The following ATAD2B variants were observed in gnomAD, a reference collection of about 807,000 sequenced individuals.
ATAD2B encodes ATPase family AAA domain-containing protein 2B.
ATAD2B carries 40 observed loss-of-function variants against 167.6 expected under a neutral mutation model. The ratio of observed to expected loss-of-function variants is 0.24; its 90% CI spans 0.19 to 0.31. The LOEUF is 0.31. Among genes scored for constraint, ATAD2B ranks in the 10% least tolerant of loss-of-function variants. The pLI is 1.00. For synonymous variants in ATAD2B, 579 were observed against 596.5 expected, an observed-to-expected ratio of 0.97 and a Z score of 0.43; for missense variants, 1,242 against 1,757.2, an observed-to-expected ratio of 0.71 and a Z score of 5.24.
chr2:23,792,932 C>G (rs1321268275), intron 19 of ATAD2B, among the ~76,000 whole-genome samples: 2 of 126,470 alleles, frequency 1.6e-5, no homozygotes, highest in Non-Finnish European at 3.1e-5. Flanking sequence ...CACTGCACTC[C>G]AGCCTGGGCA....
At chr2:23,709,586 A>G in the ATAD2B span, among the ~76,000 whole-genome samples, 1 of 151,914 alleles carries the variant, frequency 6.6e-6, no homozygotes, top group East Asian at 1.9e-4. Flanking sequence ...ATCCATGTGA[A>G]GAGCCTCACA....
chr2:23,681,407 G>A, the ATAD2B span, among the ~76,000 whole-genome samples: 12 of 152,230 alleles, frequency 7.9e-5, no homozygotes, highest in Non-Finnish European at 1.6e-4. This position sits in a 1 kb window ranked among gnomAD's most constrained non-coding sequence, Gnocchi z 4.2. Flanking sequence ...TGGAGCAGAA[G>A]GTGTCACGGC....
At chr2:23,742,447 C>T in the ATAD2B span, among the ~76,000 whole-genome samples, 8 of 150,944 alleles carry the variant, frequency 5.3e-5, no homozygotes, top group Admixed American at 1.3e-4. Context: ...AGCAAACCAT[C>T]GCAAGGACAA....
the ATAD2B span, among the ~76,000 whole-genome samples, chr2:23,728,694 C>T: frequency 6.6e-6 from 1 of 152,054 alleles, no homozygotes; most frequent in Non-Finnish European, 1.5e-5. Context: ...GAACTCTAGT[C>T]AGTAGGGGGT....
At chr2:23,892,385 C>CT (rs1382602704) in intron 2 of ATAD2B, among the ~76,000 whole-genome samples, 4 of 151,946 alleles carry the variant, frequency 2.6e-5, no homozygotes, top group African/African-American at 4.8e-5. Context: ...AGGATGGTCT[C>CT]TATCTCCTGA....
intron 12 of ATAD2B, among the ~76,000 whole-genome samples, chr2:23,862,429 G>A (rs1177235933): frequency 2.3e-5 from 2 of 86,866 alleles, no homozygotes; most frequent in Non-Finnish European, 4.2e-5. Flanking sequence ...TTTTTTTTGA[G>A]AGACAGAGTC....
chr2:23,899,410 TA>T (rs1700532083), intron 1 of ATAD2B, among the ~76,000 whole-genome samples: 1 of 152,012 alleles, frequency 6.6e-6, no homozygotes, highest in African/African-American at 2.4e-5. Context: ...GATGGTGTAT[TA>T]GTTTTATAAT....
the ATAD2B span, among the ~76,000 whole-genome samples, chr2:23,686,721 A>G: frequency 6.6e-6 from 1 of 152,140 alleles, no homozygotes; most frequent in Non-Finnish European, 1.5e-5. Context: ...CCAGGTCCCC[A>G]GGTTGGGCCA....
rs765383233 is a variant in ATAD2B, at chr2:23,757,534, G to C, written c.3962C>G (p.Ser1321Trp). 1 of 1,593,470 alleles carries C rather than the reference G, an allele frequency of 6.3e-7. No individual in the cohort carries two copies. The highest frequency in any genetic ancestry group is 1.2e-5 in the South Asian group (1 of 86,886). The part of the protein sequence containing the change: ...EDQSKEKPET[S>W]TENHGDDLEK... ...AAGATCATCTCCATGATTTTCAGTC[G>C]AAGTTTCTGGTTTTTCTTTTGACTG... Residue 1321 changes from serine (S) to tryptophan (W), a missense_variant, in exon 25 of 28, where the codon TCG becomes TGG. Physicochemically the swap from Ser to Trp is radical, Grantham distance 177. Around this residue, in one of 9 missense-constraint regions of ATAD2B, gnomAD observed 282 missense variants for 346.8 expected, o/e 0.81. Transcript: ENST00000238789.
chr2:23,752,466 T>C (rs1308823823), intron 27 of ATAD2B, among the ~76,000 whole-genome samples: 4 of 149,796 alleles, frequency 2.7e-5, no homozygotes, highest in Non-Finnish European at 4.4e-5. Context: ...AATACATAAA[T>C]ATAAGTAAAT....
At chr2:23,727,071 T>C in the ATAD2B span, among the ~76,000 whole-genome samples, 1 of 152,152 alleles carries the variant, frequency 6.6e-6, no homozygotes, top group Admixed American at 6.5e-5. Context: ...CAAGGTTTCT[T>C]TCTAAAAGCA....
At chr2:23,732,595 G>A in the ATAD2B span, among the ~76,000 whole-genome samples, 2 of 152,066 alleles carry the variant, frequency 1.3e-5, no homozygotes, top group Non-Finnish European at 2.9e-5. Flanking sequence ...TAATAAAAAG[G>A]TGTTAATTCA....
chr2:23,770,064 C>T (rs959721314), intron 22 of ATAD2B, among the ~76,000 whole-genome samples: 5 of 151,256 alleles, frequency 3.3e-5, no homozygotes, highest in African/African-American at 9.7e-5. Flanking sequence ...AATCCCAGCA[C>T]TTTGGAAGGC....
At chr2:23,698,604 A>AGAT in the ATAD2B span, among the ~76,000 whole-genome samples, 2 of 152,194 alleles carry the variant, frequency 1.3e-5, no homozygotes, top group Non-Finnish European at 2.9e-5. Flanking sequence ...GAATAGAGCA[A>AGAT]GATTATATAA....
chr2:23,741,434 C>G, the ATAD2B span, among the ~76,000 whole-genome samples: 11 of 151,984 alleles, frequency 7.2e-5, no homozygotes, highest in South Asian at 1.0e-3. Flanking sequence ...ACAAACCTGA[C>G]AAAAACAAGA....
the ATAD2B span, chr2:23,697,963 G>A: frequency 3.9e-5 from 6 of 152,150 alleles, no homozygotes; most frequent in African/African-American, 1.4e-4. Flanking sequence ...TGCTTTTGTC[G>A]GCTATTTTTA....
the ATAD2B span, among the ~76,000 whole-genome samples, chr2:23,711,042 C>A: frequency 2.1e-3 from 313 of 152,200 alleles, 1 homozygote; most frequent in Admixed American, 6.3e-3. Context: ...GACATGCTGC[C>A]ATTTGGAAAA....
chr2:23,787,590 G>A (rs1259793853), intron 20 of ATAD2B, among the ~76,000 whole-genome samples: 1 of 151,502 alleles, frequency 6.6e-6, no homozygotes, highest in Non-Finnish European at 1.5e-5. Context: ...AGCCACTAAA[G>A]AACAATAAAA....
chr2:23,852,688 G>A (rs1692754924), intron 13 of ATAD2B, among the ~76,000 whole-genome samples: 1 of 152,128 alleles, frequency 6.6e-6, no homozygotes, highest in Non-Finnish European at 1.5e-5. Context: ...GGAGGCCGAG[G>A]CAGGTGGATC....
Sources: allele counts gnomAD v4.1 joint callset (sites outside exome capture counted in the v4.1 genomes callset), GRCh38; gene constraint gnomAD v4.1.1; regional missense constraint gnomAD v4.1.1; non-coding constraint Gnocchi (gnomAD v3.1); transcripts MANE v1.5; gene names NCBI Gene and HGNC (gene_info 2026-07-23, HGNC 2026-07-21).